The following TASP1 variants were observed in gnomAD, a reference collection of about 807,000 sequenced individuals.
The protein encoded by TASP1 is threonine aspartase 1.
Under a neutral mutation model 56.6 loss-of-function variants are expected in TASP1, and 16 were observed. The ratio of observed to expected loss-of-function variants is 0.28; its 90% CI spans 0.19 to 0.43. The LOEUF is 0.43. Ranked by LOEUF, TASP1 falls within the 20% of genes least tolerant of loss-of-function variation. The pLI is 1.00. For missense variants in TASP1, 393 were observed against 511.6 expected, an observed-to-expected ratio of 0.77 and a Z score of 2.24; for synonymous variants, 179 against 184.2, an observed-to-expected ratio of 0.97 and a Z score of 0.23.
At chr20:13,205,998 G>C in the TASP1 span, among the ~76,000 whole-genome samples, 1 of 152,198 alleles carries the variant, frequency 6.6e-6, no homozygotes, top group East Asian at 1.9e-4. Flanking sequence ...TCCATCACCG[G>C]GTGCAGGTCA....
chr20:13,631,247 G>A (rs144603042), intron 1 of TASP1, among the ~76,000 whole-genome samples: 9 of 151,924 alleles, frequency 5.9e-5, no homozygotes, highest in South Asian at 4.2e-4. Flanking sequence ...TATACACATC[G>A]TTGCATTCAA....
chr20:13,199,588 T>C, the TASP1 span, among the ~76,000 whole-genome samples: 1 of 152,222 alleles, frequency 6.6e-6, no homozygotes, highest in South Asian at 2.1e-4. Context: ...CATCCTGCGG[T>C]ACAAGAGAGA....
chr20:13,572,145 A>G (rs1327321565), intron 6 of TASP1, among the ~76,000 whole-genome samples: 1 of 152,176 alleles, frequency 6.6e-6, no homozygotes, highest in Non-Finnish European at 1.5e-5. Context: ...TTCGAGCTTC[A>G]TAAGGGTGGA....
At chr20:13,591,208 A>G (rs1386728219) in intron 4 of TASP1, among the ~76,000 whole-genome samples, 1 of 152,166 alleles carries the variant, frequency 6.6e-6, no homozygotes, top group Non-Finnish European at 1.5e-5. Flanking sequence ...AAAATTATCC[A>G]AACTTAATAA....
the TASP1 span, among the ~76,000 whole-genome samples, chr20:13,122,154 G>A: frequency 3.9e-4 from 60 of 152,240 alleles, no homozygotes; most frequent in Non-Finnish European, 7.9e-4. Flanking sequence ...TCCATTAGAC[G>A]GTCAATATTT....
intron 8 of TASP1, among the ~76,000 whole-genome samples, chr20:13,542,101 T>C (rs952130718): frequency 2.6e-5 from 4 of 151,852 alleles, no homozygotes; most frequent in East Asian, 1.9e-4. Context: ...GTCATCAGAT[T>C]GGATTTTAAA....
At chr20:13,135,732 A>G in the TASP1 span, among the ~76,000 whole-genome samples, 4 of 152,254 alleles carry the variant, frequency 2.6e-5, no homozygotes, top group Non-Finnish European at 5.9e-5. Flanking sequence ...TTCTAGCTAT[A>G]TGAACAGGCC....
intron 7 of TASP1, among the ~76,000 whole-genome samples, chr20:13,561,879 A>AC (rs1415935938): frequency 3.1e-5 from 2 of 63,626 alleles, no homozygotes; most frequent in East Asian, 4.8e-4. Flanking sequence ...TTGTAACCAC[A>AC]AAAAAAAATA....
intron 8 of TASP1, among the ~76,000 whole-genome samples, chr20:13,556,248 T>C (rs1053639994): frequency 1.3e-5 from 2 of 152,200 alleles, no homozygotes; most frequent in Non-Finnish European, 2.9e-5. Flanking sequence ...CAATATTGTC[T>C]TTCCAGAAAC....
the TASP1 span, among the ~76,000 whole-genome samples, chr20:13,261,351 G>A: frequency 2.6e-5 from 4 of 152,034 alleles, no homozygotes; most frequent in Middle Eastern, 3.4e-3. Flanking sequence ...CCAGAAGGCA[G>A]AGGTTGCAGT....
At chr20:13,280,394 C>T in the TASP1 span, among the ~76,000 whole-genome samples, 820 of 105,338 alleles carry the variant, frequency 7.8e-3, 3 homozygotes, top group Admixed American at 9.4e-3. Context: ...CAAAGTAACC[C>T]CCCCCCCCCA....
intron 7 of TASP1, among the ~76,000 whole-genome samples, chr20:13,565,880 C>T (rs2046510325): frequency 6.6e-6 from 1 of 152,138 alleles, no homozygotes; most frequent in African/African-American, 2.4e-5. Context: ...GGGACTCAAA[C>T]AGATATTTGC....
chr20:13,500,152 A>G (rs2043891574), intron 10 of TASP1, among the ~76,000 whole-genome samples: 1 of 151,136 alleles, frequency 6.6e-6, no homozygotes, highest in Non-Finnish European at 1.5e-5. Flanking sequence ...ACATATATAA[A>G]TGTTTTATAT....
chr20:13,376,604 A>C, the TASP1 span, among the ~76,000 whole-genome samples: 1 of 152,048 alleles, frequency 6.6e-6, no homozygotes, highest in African/African-American at 2.4e-5. Context: ...TTTTTTTCTA[A>C]TTCTGTGAAT....
chr20:13,480,271 G>A (rs942909851), intron 11 of TASP1, among the ~76,000 whole-genome samples: 10 of 152,160 alleles, frequency 6.6e-5, no homozygotes, highest in Non-Finnish European at 1.3e-4. Context: ...TAACCAATGA[G>A]ACGGACACAA....
intron 10 of TASP1, among the ~76,000 whole-genome samples, chr20:13,514,515 T>C (rs539776565): frequency 1.3e-5 from 2 of 152,114 alleles, no homozygotes; most frequent in African/African-American, 4.8e-5. Flanking sequence ...ATCTGCTCCC[T>C]CCGTTAGGAT....
At chr20:13,551,411 A>G (rs540914653) in intron 8 of TASP1, among the ~76,000 whole-genome samples, 12 of 152,318 alleles carry the variant, frequency 7.9e-5, no homozygotes, top group African/African-American at 2.9e-4. Flanking sequence ...AAAATCTGTT[A>G]TTAAAGAAAA....
At chr20:13,293,556 G>T in the TASP1 span, among the ~76,000 whole-genome samples, 1 of 151,530 alleles carries the variant, frequency 6.6e-6, no homozygotes, top group African/African-American at 2.4e-5. Context: ...GAACAAAAAT[G>T]TTCCTCAAAT....
At chr20:13,274,379 A>T in the TASP1 span, among the ~76,000 whole-genome samples, 1 of 152,124 alleles carries the variant, frequency 6.6e-6, no homozygotes, top group South Asian at 2.1e-4. Context: ...TGGGTAGCAG[A>T]GTGAAGTCAG....
Sources: gnomAD v4.1 joint callset for allele counts (sites outside exome capture counted in the v4.1 genomes callset) on GRCh38, gnomAD v4.1.1 for gene constraint, MANE v1.5 for transcripts, NCBI Gene and HGNC (gene_info 2026-07-23, HGNC 2026-07-21) for gene names.